HPSE2: variants seen among roughly 807,000 people sequenced by gnomAD.
The protein encoded by HPSE2 is heparanase 2 (inactive).
HPSE2 carries 38 observed loss-of-function variants against 60.5 expected under a neutral mutation model. The observed-to-expected ratio is 0.63, with a 90% CI of 0.48 to 0.82. HPSE2 has a LOEUF of 0.82. Among genes scored for constraint, HPSE2 ranks in the 40% least tolerant of loss-of-function variants. The pLI, the probability that HPSE2 is intolerant of heterozygous loss-of-function variation, is 0.00. For missense variants in HPSE2, 713 were observed against 740.4 expected, an observed-to-expected ratio of 0.96 and a Z score of 0.43; for synonymous variants, 295 against 293.2, an observed-to-expected ratio of 1.01 and a Z score of -0.06.
intron 3 of HPSE2, among the ~76,000 whole-genome samples, chr10:98,750,841 T>C (rs555249359): frequency 8.4e-4 from 128 of 152,198 alleles, no homozygotes; most frequent in African/African-American, 3.0e-3. Context: ...GTGGGCAGAA[T>C]ATGCAAATCC....
intron 2 of HPSE2, among the ~76,000 whole-genome samples, chr10:99,196,510 A>G (rs184433642): frequency 2.4e-3 from 360 of 152,242 alleles, no homozygotes; most frequent in African/African-American, 6.8e-3. Context: ...CAAACTCTAT[A>G]GGAAAAAAAA....
intron 3 of HPSE2, among the ~76,000 whole-genome samples, chr10:98,874,182 T>TC (rs1461060337): frequency 6.6e-6 from 1 of 151,954 alleles, no homozygotes; most frequent in Non-Finnish European, 1.5e-5. Flanking sequence ...GTTTTTTTTT[T>TC]TTCTGCTGTG....
At position 98,929,011 on chromosome 10, in the gene HPSE2, TA is replaced by T. The variant is rs964687571; in HGVS notation, c.611-184956del. Among the ~76,000 whole-genome samples the T allele has an allele frequency of 2.2e-4, 31 of 140,976 alleles. 4 individuals are homozygous for T. The highest frequency in any genetic ancestry group is 3.5e-4 in the Admixed American group (5 of 14,098). 92.5% of individuals were successfully genotyped at this position (140,976 alleles called of 152,430 possible). On this transcript the variant is annotated intron_variant, in intron 3 of 11. Transcript: ENST00000370552. ...AATAATAAATAAATAAATAAATAAA[TA>T]AATAAATATTTTTTAGTCTCAAAAA...
intron 3 of HPSE2, among the ~76,000 whole-genome samples, chr10:98,825,605 G>C (rs1040070982): frequency 1.3e-5 from 2 of 150,896 alleles, no homozygotes; most frequent in Non-Finnish European, 3.0e-5. Context: ...CTCTAGCCCC[G>C]GGGTTGGGGG....
intron 9 of HPSE2, among the ~76,000 whole-genome samples, chr10:98,520,935 A>T (rs1199087690): frequency 6.6e-6 from 1 of 152,240 alleles, no homozygotes; most frequent in African/African-American, 2.4e-5. Flanking sequence ...CTGGCTAGCC[A>T]TAGGTAGAAA....
chr10:99,100,105 G>A (rs146678114), intron 3 of HPSE2, among the ~76,000 whole-genome samples: 101 of 152,306 alleles, frequency 6.6e-4, no homozygotes, highest in Non-Finnish European at 1.2e-3. Flanking sequence ...CCAAAGGAAC[G>A]CAGCTCCTTG....
chr10:98,536,603 G>A (rs1359881255), intron 9 of HPSE2, among the ~76,000 whole-genome samples: 2 of 152,168 alleles, frequency 1.3e-5, no homozygotes, highest in Non-Finnish European at 2.9e-5. Context: ...AACAGAGTCA[G>A]GTAAGGCAGG....
At chr10:99,031,146 A>G (rs1379133403) in intron 3 of HPSE2, among the ~76,000 whole-genome samples, 1 of 152,178 alleles carries the variant, frequency 6.6e-6, no homozygotes, top group African/African-American at 2.4e-5. Flanking sequence ...GTATAATAGG[A>G]TTGTTTGTAA....
chr10:98,606,932 C>A lies in HPSE2; in HGVS notation c.1320+7972G>T, dbSNP rs185342603. On this transcript the variant is annotated intron_variant, in intron 9 of 11. Transcript: ENST00000370552. ...ACATCGTTGTGCCCTTAATGTTTGC[C>A]AATATAGTCTTTAAGATGAAATATT... 2.8e-3 allele frequency among the ~76,000 whole-genome samples: 422 copies of A among 152,228 alleles called. 1 individual carries two copies. Among genetic ancestry groups the A allele is most frequent in the African/African-American group, 9.8e-3 (406 of 41,534 alleles).
At chr10:98,658,248 C>T (rs1947129695) in intron 6 of HPSE2, among the ~76,000 whole-genome samples, 1 of 152,132 alleles carries the variant, frequency 6.6e-6, no homozygotes. Flanking sequence ...GCTAGATGTT[C>T]CCTGTACTCA....
At chr10:98,978,161 A>T (rs890845131) in intron 3 of HPSE2, among the ~76,000 whole-genome samples, 4 of 152,142 alleles carry the variant, frequency 2.6e-5, no homozygotes, top group Non-Finnish European at 5.9e-5. Context: ...AAATGTTAAA[A>T]ACTGAAAATA....
chr10:98,641,948 A>G lies in HPSE2; in HGVS notation c.1005-8T>C. 6.2e-7 allele frequency: 1 copy of G among 1,606,572 alleles called. No homozygotes were observed. Among genetic ancestry groups the G allele is most frequent in the South Asian group, 1.1e-5 (1 of 90,918 alleles). On this transcript the variant is annotated splice_polypyrimidine_tract_variant and splice_region_variant and intron_variant, in intron 6 of 11. Transcript: ENST00000370552. The stretch of plus-strand genomic sequence containing the variant: ...CGGCCATCAATGTAGCAACTGGAAT[A>G]AAAATAAAATAAGAATCAGATAAAA...
chr10:99,097,951 G>A (rs962655284), intron 3 of HPSE2, among the ~76,000 whole-genome samples: 10 of 152,292 alleles, frequency 6.6e-5, no homozygotes, highest in African/African-American at 2.2e-4. Flanking sequence ...ACTCTGATGT[G>A]GCTAGGGCTT....
intron 3 of HPSE2, among the ~76,000 whole-genome samples, chr10:99,104,472 A>G (rs938557618): frequency 1.3e-5 from 2 of 152,198 alleles, no homozygotes; most frequent in African/African-American, 4.8e-5. Context: ...TGGGACTGTA[A>G]ACTAGTTCAA....
At chr10:98,864,237 A>G (rs914433025) in intron 3 of HPSE2, among the ~76,000 whole-genome samples, 1 of 152,162 alleles carries the variant, frequency 6.6e-6, no homozygotes, top group Admixed American at 6.6e-5. Context: ...GAGCTTCTCA[A>G]CGTTTTTAAA....
At chr10:99,310,439 G>A in the HPSE2 span, among the ~76,000 whole-genome samples, 130,569 of 152,218 alleles carry the variant, frequency 0.86, 56,384 homozygotes, top group African/African-American at 0.93. Flanking sequence ...AACCTACAGT[G>A]TTCTTTGCTC....
In HPSE2 at chr10:98,883,775, G is replaced by C. The variant is rs187279049; in HGVS notation, c.611-139719C>G. On this transcript the variant is annotated intron_variant, in intron 3 of 11. Coordinates refer to ENST00000370552, the MANE Select transcript of HPSE2 (RefSeq NM_021828.5). ...ACTATGATTGCACCACTGCACTCTA[G>C]CCTGGGAGACACAGCAAGACACCAA... Among the ~76,000 whole-genome samples, 488 of 152,206 alleles carry C rather than the reference G, an allele frequency of 3.2e-3. 10 individuals are homozygous for C. The highest frequency in any genetic ancestry group is 8.4e-4 in the Non-Finnish European group (57 of 68,006).
the HPSE2 span, among the ~76,000 whole-genome samples, chr10:99,243,518 T>C: frequency 6.6e-6 from 1 of 152,226 alleles, no homozygotes; most frequent in African/African-American, 2.4e-5. Flanking sequence ...ACATGTTCTA[T>C]AGCTTCATTA....
chr10:98,480,093 AT>A (rs35831340), intron 11 of HPSE2, among the ~76,000 whole-genome samples: 251 of 145,012 alleles, frequency 1.7e-3, no homozygotes, highest in Admixed American at 7.9e-3. Flanking sequence ...CCTCTCCTAC[AT>A]TTTTTTTTTT....
Sources: gnomAD v4.1 joint callset for allele counts (sites outside exome capture counted in the v4.1 genomes callset) on GRCh38, gnomAD v4.1.1 for gene constraint, MANE v1.5 for transcripts, NCBI Gene and HGNC (gene_info 2026-07-23, HGNC 2026-07-21) for gene names.